The following FARS2 variants were observed in gnomAD, a reference collection of about 807,000 sequenced individuals.
The protein encoded by FARS2 is phenylalanine--tRNA ligase, mitochondrial.
In FARS2, 40 loss-of-function variants were observed where a neutral mutation model predicts 46.4. That is an observed-to-expected ratio of 0.86 (90% confidence interval 0.67 to 1.12). FARS2 has a LOEUF of 1.12. Among genes scored for constraint, FARS2 ranks in the 50% most tolerant of loss-of-function variants. The pLI is 0.00. For synonymous variants in FARS2, 234 were observed against 214.9 expected (o/e 1.09, Z -0.78); for missense variants, 513 against 567.9 (o/e 0.90, Z 0.98).
At chr6:5,686,339 C>T (rs1757208728) in intron 6 of FARS2, among the ~76,000 whole-genome samples, 1 of 149,138 alleles carries the variant, frequency 6.7e-6, no homozygotes. Context: ...TCTCCTAATG[C>T]TCTCCCCCCC....
At chr6:5,283,385 A>AC (rs1203835616) in intron 1 of FARS2, among the ~76,000 whole-genome samples, 1 of 150,866 alleles carries the variant, frequency 6.6e-6, no homozygotes, top group Non-Finnish European at 1.5e-5. Context: ...AAAAAAAAAA[A>AC]AAAAAAAAAA....
intron 4 of FARS2, among the ~76,000 whole-genome samples, chr6:5,515,511 C>A (rs1287635843): frequency 6.6e-6 from 1 of 152,206 alleles, no homozygotes; most frequent in Non-Finnish European, 1.5e-5. Context: ...TCACTACAAC[C>A]TCCATCTCCT....
chr6:5,421,503 C>A (rs1307300281), intron 3 of FARS2, among the ~76,000 whole-genome samples: 1 of 152,176 alleles, frequency 6.6e-6, no homozygotes, highest in African/African-American at 2.4e-5. Flanking sequence ...ATGGGATTTT[C>A]TTTTCTATCG....
chr6:5,577,256 A>G (rs1773039778), intron 5 of FARS2, among the ~76,000 whole-genome samples: 1 of 152,222 alleles, frequency 6.6e-6, no homozygotes, highest in Non-Finnish European at 1.5e-5. Flanking sequence ...AATTACAGAT[A>G]TGGAAAACAG....
chr6:5,623,650 C>T (rs1432823287), intron 6 of FARS2, among the ~76,000 whole-genome samples: 7 of 151,234 alleles, frequency 4.6e-5, no homozygotes, highest in East Asian at 1.9e-4. Flanking sequence ...AGGCGGAGGT[C>T]GCAGTGAGCT....
chr6:5,415,220 G>C (rs1762157913), intron 3 of FARS2, among the ~76,000 whole-genome samples: 1 of 151,544 alleles, frequency 6.6e-6, no homozygotes, highest in Admixed American at 6.6e-5. Context: ...ATTTTTGCTA[G>C]CACTTGTTAT....
intron 4 of FARS2, among the ~76,000 whole-genome samples, chr6:5,539,384 G>GTGTGTATGTGTGTATATATATATATA: frequency 1.3e-5 from 1 of 79,582 alleles, no homozygotes; most frequent in African/African-American, 4.6e-5. Flanking sequence ...TTTTTTTTGT[G>GTGTGTATGTGTGTATATATATATATA]TATATATATA....
chr6:5,671,235 G>A (rs1056265774), intron 6 of FARS2, among the ~76,000 whole-genome samples: 2 of 152,214 alleles, frequency 1.3e-5, no homozygotes, highest in African/African-American at 4.8e-5. Context: ...AAGTTGCAGT[G>A]TCCATGAGTA....
upstream of FARS2, chr6:5,260,990 C>CCA: frequency 8.8e-7 from 1 of 1,132,602 alleles, no homozygotes; most frequent in Non-Finnish European, 1.1e-6. Context: ...GAGATGCCTC[C>CCA]GCCCCGCCCC....
chr6:5,710,479 T>C (rs1234834522), intron 6 of FARS2, among the ~76,000 whole-genome samples: 1 of 152,078 alleles, frequency 6.6e-6, no homozygotes, highest in Non-Finnish European at 1.5e-5. Context: ...TTTTCAGACA[T>C]TGGACATAGA....
At chr6:5,561,959 C>T (rs1772008798) in intron 5 of FARS2, among the ~76,000 whole-genome samples, 1 of 151,948 alleles carries the variant, frequency 6.6e-6, no homozygotes, top group Admixed American at 6.6e-5. Context: ...TTCTTTTCTT[C>T]TCCATTTTCT....
chr6:5,360,674 G>A (rs1055149412), intron 1 of FARS2, among the ~76,000 whole-genome samples: 2 of 152,138 alleles, frequency 1.3e-5, no homozygotes, highest in Admixed American at 6.5e-5. Flanking sequence ...CTCCAAGGTA[G>A]ATATCTAGAT....
intron 6 of FARS2, among the ~76,000 whole-genome samples, chr6:5,634,781 G>A (rs1776463053): frequency 6.6e-6 from 1 of 152,176 alleles, no homozygotes; most frequent in African/African-American, 2.4e-5. Context: ...CCACAGTGTA[G>A]CCAGAAGTAA....
chr6:5,538,246 C>T (rs912365936), intron 4 of FARS2, among the ~76,000 whole-genome samples: 2 of 151,974 alleles, frequency 1.3e-5, no homozygotes, highest in African/African-American at 4.8e-5. Flanking sequence ...GAAAATTATA[C>T]CTACCTTGGT....
chr6:5,695,761 G>A (rs1758063620), intron 6 of FARS2, among the ~76,000 whole-genome samples: 2 of 152,216 alleles, frequency 1.3e-5, no homozygotes, highest in Admixed American at 1.3e-4. Context: ...AAGGAAAAGA[G>A]TGATTAATTT....
intron 6 of FARS2, among the ~76,000 whole-genome samples, chr6:5,678,536 C>T (rs2150827318): frequency 6.6e-6 from 1 of 152,314 alleles, no homozygotes; most frequent in East Asian, 1.9e-4. Flanking sequence ...GTGCTGCGCC[C>T]TCAACCACTG....
chr6:5,656,540 C>T (rs1777613240), intron 6 of FARS2, among the ~76,000 whole-genome samples: 1 of 80,634 alleles, frequency 1.2e-5, no homozygotes, highest in Admixed American at 1.3e-4. Context: ...CCATGTTTCT[C>T]CTTAACCTTG....
intron 4 of FARS2, among the ~76,000 whole-genome samples, chr6:5,439,511 G>A (rs1280433349): frequency 6.6e-6 from 1 of 152,168 alleles, no homozygotes; most frequent in Admixed American, 6.5e-5. Flanking sequence ...TGACTCTCCT[G>A]TATAATTTTT....
chr6:5,742,662 C>T (rs921519709), intron 6 of FARS2, among the ~76,000 whole-genome samples: 1 of 151,954 alleles, frequency 6.6e-6, no homozygotes, highest in African/African-American at 2.4e-5. Context: ...CACCCCGCCA[C>T]TTCCACTCTT....
Sources: gnomAD v4.1 joint callset for allele counts (sites outside exome capture counted in the v4.1 genomes callset) on GRCh38, gnomAD v4.1.1 for gene constraint, MANE v1.5 for transcripts, NCBI Gene and HGNC (gene_info 2026-07-23, HGNC 2026-07-21) for gene names.